GLDC: variants seen among roughly 807,000 people sequenced by gnomAD.
GLDC encodes glycine dehydrogenase (decarboxylating), mitochondrial.
Under a neutral mutation model 121.3 loss-of-function variants are expected in GLDC, and 104 were observed. The ratio of observed to expected loss-of-function variants is 0.86; its 90% CI spans 0.73 to 1.01. GLDC has a LOEUF of 1.01. GLDC is among the 50% of genes least tolerant of loss of function. The probability of loss-of-function intolerance (pLI) is 0.00; values close to 1 mark genes in which losing one functional copy is unlikely to be tolerated. For synonymous variants in GLDC, 546 were observed against 480.6 expected (o/e 1.14, Z -1.78); for missense variants, 1,429 against 1,306.6 (o/e 1.09, Z -1.44).
At position 6,615,064 on chromosome 9, in the gene GLDC, T is replaced by C. The variant is rs889065539; in HGVS notation, c.471-4708A>G. Among the ~76,000 whole-genome samples, 6 of 152,276 alleles carry C rather than the reference T, an allele frequency of 3.9e-5. No individual in the cohort carries two copies. The South Asian group carries it at 6.2e-4, about 16-fold the overall frequency. On this transcript the variant is annotated intron_variant, in intron 3 of 24. Transcript: ENST00000321612. ...GCATGAGTGTACTTGTGAACTGGGA[T>C]AAATAACTAAACGTCGCTCTAGCCA...
intron 3 of GLDC, among the ~76,000 whole-genome samples, chr9:6,615,316 G>A (rs768046943): frequency 6.6e-6 from 1 of 152,046 alleles, no homozygotes; most frequent in South Asian, 2.1e-4. Context: ...ATACAGGCCA[G>A]GTGTGGTGGC....
chr9:6,581,834 C>T (rs186600020), intron 15 of GLDC, among the ~76,000 whole-genome samples: 6 of 152,198 alleles, frequency 3.9e-5, no homozygotes, highest in Non-Finnish European at 8.8e-5. Context: ...TTAGAGTTGC[C>T]TTTGTGCATC....
intron 2 of GLDC, 52 bp downstream of exon 2, chr9:6,644,562 G>A: frequency 8.1e-7 from 1 of 1,240,626 alleles, no homozygotes; most frequent in Non-Finnish European, 1.2e-6. Context: ...AACCACAAAA[G>A]ACAAATAGGC....
chr9:6,536,149 C>G lies in GLDC; in HGVS notation c.2753G>C (p.Arg918Thr). 3 of 1,614,136 alleles carry G rather than the reference C, an allele frequency of 1.9e-6. No homozygotes were observed. In the South Asian group the frequency reaches 3.3e-5, roughly 18 times the overall value. ...TESEDKAELD[R>T]FCDAMISIRQ... is the part of the protein sequence containing the mutation. ...AATGCTGATCATGGCATCACAGAAT[C>G]TGTCCAGCTCTGCCTTGTCCTCCGA... The change falls in exon 23 of 25, where the codon AGA (arginine) becomes ACA (threonine). Residue 918 changes from arginine to threonine, a missense_variant. Coordinates refer to ENST00000321612, the MANE Select transcript of GLDC (RefSeq NM_000170.3).
intron 3 of GLDC, among the ~76,000 whole-genome samples, chr9:6,618,961 G>C (rs1448132166): frequency 6.6e-6 from 1 of 151,854 alleles, no homozygotes; most frequent in East Asian, 2.0e-4. Context: ...GGCCAAGATG[G>C]TGAAACCCCG....
intron 3 of GLDC, among the ~76,000 whole-genome samples, chr9:6,614,076 C>A (rs1340276767): frequency 6.6e-6 from 1 of 152,080 alleles, no homozygotes; most frequent in African/African-American, 2.4e-5. Context: ...GTGTAATTAT[C>A]ACGCCCACCC....
chr9:6,598,301 G>C (rs1323461136), intron 8 of GLDC, among the ~76,000 whole-genome samples: 1 of 152,174 alleles, frequency 6.6e-6, no homozygotes, highest in Non-Finnish European at 1.5e-5. Context: ...AAAGTGTTGA[G>C]ATTACAGGTG....
chr9:6,622,344 T>A (rs537717031), intron 2 of GLDC, among the ~76,000 whole-genome samples: 105 of 150,044 alleles, frequency 7.0e-4, no homozygotes, highest in Middle Eastern at 3.4e-3. Flanking sequence ...CCTCCCTGCC[T>A]GATTCTCCTG....
intron 16 of GLDC, among the ~76,000 whole-genome samples, chr9:6,558,947 C>T (rs940991606): frequency 6.6e-6 from 1 of 152,146 alleles, no homozygotes; most frequent in African/African-American, 2.4e-5. Context: ...TATCCCAGTA[C>T]AATAAAAATA....
intron 24 of GLDC, 125 bp from the exon 25 acceptor site, chr9:6,533,285 TA>T (rs1817039886): frequency 1.2e-6 from 1 of 858,792 alleles, no homozygotes; most frequent in Admixed American, 1.7e-5. Flanking sequence ...TCTGAGAACC[TA>T]AAATCCAACC....
chr9:6,567,923 A>G (rs1469262381), intron 15 of GLDC, among the ~76,000 whole-genome samples: 3 of 152,230 alleles, frequency 2.0e-5, no homozygotes, highest in Non-Finnish European at 4.4e-5. Context: ...TAGTTCTGCA[A>G]TAAGTATTTA....
rs751089321 is a variant in GLDC at position 6,536,200 on chromosome 9, C to T, written c.2702G>A (p.Gly901Glu). The T allele has an allele frequency of 2.3e-5, 37 of 1,613,946 alleles. No homozygotes were observed. The highest frequency in any genetic ancestry group is 3.0e-5 in the Non-Finnish European group (35 of 1,180,000). Residue 901 changes from glycine (G) to glutamate (E), a missense_variant, in exon 23 of 25, where the codon GGG becomes GAG. By Grantham distance (98) the Gly-to-Glu change is moderately conservative (BLOSUM62 -2). Coordinates refer to ENST00000321612, the MANE Select transcript of GLDC (RefSeq NM_000170.3). ...CTCAGTGGGCTCCACCATGAGGGTC[C>T]CTGCCACAGGCCAGGACATGGTAGG... is the stretch of plus-strand genomic sequence containing the variant. The part of the protein sequence containing the change: ...HAPTMSWPVA[G>E]TLMVEPTESE...
chr9:6,558,540 C>T lies in GLDC; in HGVS notation c.2052+19G>A. Reference sequence around the variant, plus strand: ...TCCCCATCCCGGCCTCTCCCATCTGCTAAGGAGAAGACAAGTACCATGGCC... The same window carrying T: ...TCCCCATCCCGGCCTCTCCCATCTGTTAAGGAGAAGACAAGTACCATGGCC... On this transcript the variant is annotated intron_variant, in intron 17 of 24. Transcript: ENST00000321612. 1.2e-6 allele frequency: 2 copies of T among 1,614,002 alleles called. No individual in the cohort carries two copies. Among genetic ancestry groups the T allele is most frequent in the Non-Finnish European group, 1.7e-6 (2 of 1,179,874 alleles).
intron 2 of GLDC, among the ~76,000 whole-genome samples, chr9:6,637,694 T>C (rs1819534444): frequency 6.6e-6 from 1 of 152,118 alleles, no homozygotes; most frequent in South Asian, 2.1e-4. Flanking sequence ...GCTGAACTCC[T>C]GGCCTCAAGT....
intron 3 of GLDC, 129 bp from the exon 4 acceptor site, chr9:6,610,485 G>A (rs967409572): frequency 2.5e-6 from 2 of 813,604 alleles, no homozygotes; most frequent in African/African-American, 3.4e-5. Flanking sequence ...TAACACACCA[G>A]TAAGCTTCTT....
At chr9:6,608,677 C>T (rs1478340450) in intron 4 of GLDC, among the ~76,000 whole-genome samples, 1 of 151,980 alleles carries the variant, frequency 6.6e-6, no homozygotes, top group Non-Finnish European at 1.5e-5. Context: ...ACCCGGGAGG[C>T]GGAGCTTGCA....
chr9:6,539,087 G>A (rs4742213), intron 22 of GLDC, among the ~76,000 whole-genome samples: 4 of 151,786 alleles, frequency 2.6e-5, no homozygotes, highest in African/African-American at 9.7e-5. Flanking sequence ...AAAACTCAGA[G>A]AGGACTCCAT....
intron 3 of GLDC, among the ~76,000 whole-genome samples, chr9:6,611,698 T>G (rs890440562): frequency 1.3e-5 from 2 of 152,204 alleles, no homozygotes; most frequent in East Asian, 3.8e-4. Context: ...GCTTGTTTTT[T>G]CTGTTGTTTT....
chr9:6,624,011 A>T (rs111315930), intron 2 of GLDC, among the ~76,000 whole-genome samples: 1 of 152,204 alleles, frequency 6.6e-6, no homozygotes, highest in African/African-American at 2.4e-5. Flanking sequence ...CAGTCTGTGA[A>T]GGGCTCTGTC....
Sources: gnomAD v4.1 joint callset for allele counts (sites outside exome capture counted in the v4.1 genomes callset) on GRCh38, gnomAD v4.1.1 for gene constraint, MANE v1.5 for transcripts, NCBI Gene and HGNC (gene_info 2026-07-23, HGNC 2026-07-21) for gene names.